NRIP2: variants seen among roughly 807,000 people sequenced by gnomAD.
NRIP2 encodes the protein nuclear receptor interacting protein 2, also known as nuclear receptor-interacting protein 2.
NRIP2 carries 27 observed loss-of-function variants against 34.1 expected under a neutral mutation model. The ratio of observed to expected loss-of-function variants is 0.79; its 90% confidence interval spans 0.58 to 1.09. The LOEUF (loss-of-function observed/expected upper bound fraction) is 1.09. Among genes scored for constraint, NRIP2 ranks in the 50% least tolerant of loss-of-function variants. The probability of loss-of-function intolerance (pLI) is 0.00; values close to 1 mark genes in which losing one functional copy is unlikely to be tolerated. For missense variants in NRIP2, 385 were observed against 352.6 expected (o/e 1.09, Z -0.74); for synonymous variants, 145 against 146.9 (o/e 0.99, Z 0.09).
At position 2,827,482 on chromosome 12, in the gene NRIP2, G is replaced by T. The variant is rs562888796; in HGVS notation, c.753+143C>A. On this transcript the variant is annotated intron_variant, in intron 5 of 5. Coordinates refer to ENST00000337508, the MANE Select transcript of NRIP2 (RefSeq NM_031474.3). This position sits in a 1 kb window ranked among gnomAD's most constrained non-coding sequence, Gnocchi z 4.0. ...AGTTCTCTTGATTTTTCACTTGGTG[G>T]TAAGTAAGGAACCTCTAAGGAAGCA... 7 of 1,536,866 alleles carry T rather than the reference G, an allele frequency of 4.6e-6. No individual in the cohort carries two copies. The Admixed American group carries it at 6.5e-5, about 14-fold the overall frequency.
At position 2,832,591 on chromosome 12, in the gene NRIP2, C is replaced by T. The variant is rs561065482; in HGVS notation, c.343-1731G>A. On this transcript the variant is annotated intron_variant, in intron 1 of 5. Transcript: ENST00000337508. ...GGATACCCTCTCTGAGTTCTTCATG[C>T]TCCTCTCTCCATACACGCCAAGCTG... 3.9e-5 allele frequency among the ~76,000 whole-genome samples: 6 copies of T among 152,058 alleles called. No homozygotes were observed. In the South Asian group the frequency reaches 1.2e-3, roughly 32 times the overall value.
chr12:2,830,571 G>C (rs776508329), intron 2 of NRIP2, 137 bp downstream of exon 2: 17 of 891,928 alleles, frequency 1.9e-5, no homozygotes, highest in Non-Finnish European at 2.9e-5. Flanking sequence ...AGAGGATCCT[G>C]GTTAGGTCCA....
rs1262819451 is a variant in NRIP2, at chr12:2,825,855, C to T, written c.*1352G>A. On this transcript the variant is annotated 3_prime_UTR_variant, in exon 6 of 6. Coordinates refer to ENST00000337508, the MANE Select transcript of NRIP2 (RefSeq NM_031474.3). The stretch of plus-strand genomic sequence containing the variant: ...TTGGCTCACTACAACCCCCATCTCC[C>T]AGGTTCAAGCAACTCCTATGCCTCA... 6.6e-6 allele frequency: 1 copy of T among 152,224 alleles called. No homozygotes were observed. The highest frequency in any genetic ancestry group is 1.5e-5 in the Non-Finnish European group (1 of 68,080). 9.4% of individuals were successfully genotyped at this position (152,224 alleles called of 1,614,324 possible).
chr12:2,833,358 C>G (rs1250900673), intron 1 of NRIP2, among the ~76,000 whole-genome samples: 1 of 152,070 alleles, frequency 6.6e-6, no homozygotes, highest in Non-Finnish European at 1.5e-5. Context: ...GGAATAAGCC[C>G]CTGGCAGTTC....
At position 2,827,736 on chromosome 12, in the gene NRIP2, T is replaced by C. The variant is rs775556142; in HGVS notation, c.701-59A>G. 1 of 1,612,256 alleles carries C rather than the reference T, an allele frequency of 6.2e-7. No individual in the cohort carries two copies. The highest frequency in any genetic ancestry group is 8.5e-7 in the Non-Finnish European group (1 of 1,179,646). On this transcript the variant is annotated intron_variant, in intron 4 of 5. Transcript: ENST00000337508. The surrounding 1 kb of genome is among the most constrained non-coding windows in gnomAD (Gnocchi z 4.0). ...GGGTTCCCAGTGGTCACTGCTGCCC[T>C]CCTCTTAGCCGTTGCTCCTTCTCTG... is the stretch of plus-strand genomic sequence containing the variant.
Position 2,834,725 on chromosome 12 carries a change from G to T in NRIP2, c.259C>A (p.Gln87Lys), listed in dbSNP as rs200257600. Residue 87 changes from glutamine to lysine, a missense_variant, in exon 1 of 6, where the codon CAG becomes AAG. By Grantham distance (53) the Gln-to-Lys change is moderately conservative. Coordinates refer to ENST00000337508, the MANE Select transcript of NRIP2 (RefSeq NM_031474.3). ...TCCTTGTGCAGGAACTGGGTGGCCT[G>T]TTTGAGCCGGCGCTGCTGGCTCAGG... ...AHLSQQRRLK[Q>K]ATQFLHKDSA... 1 of 1,614,108 alleles carries T rather than the reference G, an allele frequency of 6.2e-7. No individual in the cohort carries two copies. The highest frequency in any genetic ancestry group is 1.3e-5 in the African/African-American group (1 of 75,030).
intron 1 of NRIP2, among the ~76,000 whole-genome samples, chr12:2,834,367 A>G (rs540857677): frequency 6.6e-6 from 1 of 152,152 alleles, no homozygotes; most frequent in Non-Finnish European, 1.5e-5. Context: ...CCCCACTTCT[A>G]AACAGCCTAG....
rs770517559 is a variant in NRIP2 at position 2,834,675 on chromosome 12, G to A, written c.309C>T (p.Asp103=). 2.5e-6 allele frequency: 4 copies of A among 1,611,444 alleles called. No homozygotes were observed. The South Asian group carries it at 3.3e-5, about 13-fold the overall frequency. The change falls in exon 1 of 6, where the codon GAC becomes GAT. Residue 103 remains aspartate, a synonymous_variant. Coordinates refer to ENST00000337508, the MANE Select transcript of NRIP2 (RefSeq NM_031474.3). ...HKDSADLLPL[D]SLKRLGTSKD... ...TGGAGGTGCCGAGCCTCTTGAGGCT[G>A]TCCAGCGGGAGCAGGTCGGCCGAGT...
chr12:2,834,781 C>A lies in NRIP2; in HGVS notation c.203G>T (p.Gly68Val). The A allele has an allele frequency of 6.2e-7, 1 of 1,613,784 alleles. No individual in the cohort carries two copies. The highest frequency in any genetic ancestry group is 8.5e-7 in the Non-Finnish European group (1 of 1,179,970). ...TCGGTCTCGAAGCTGTGCCTCCTGC[C>A]CCCTCGTCCTGGCTTCTCCCTCATC... ...RRDEGEARTR[G>V]QEAQLRDRAH... is the part of the protein sequence containing the mutation. The change falls in exon 1 of 6, where the codon GGG (glycine) becomes GTG (valine). Residue 68 changes from glycine (G) to valine (V), a missense_variant. Transcript: ENST00000337508.
At chr12:2,830,070 C>CT (rs1439451052) in intron 2 of NRIP2, 5 of 151,838 alleles carry the variant, frequency 3.3e-5, no homozygotes, top group African/African-American at 1.2e-4. Context: ...GAGCGAGACT[C>CT]TGTCTCAAAA....
rs536099639 is a variant in NRIP2 at position 2,833,806 on chromosome 12, A to C, written c.342+836T>G. 2.1e-4 allele frequency among the ~76,000 whole-genome samples: 32 copies of C among 152,198 alleles called. 1 individual carries two copies. Among genetic ancestry groups the C allele is most frequent in the African/African-American group, 7.7e-4 (32 of 41,510 alleles). On this transcript the variant is annotated intron_variant, in intron 1 of 5. Transcript: ENST00000337508. ...TGCTTTAAATATATTAGCTCTAACAACTCTCCCAACAATCCTATGATTGAT... is the reference window on the plus strand; with the variant it reads ...TGCTTTAAATATATTAGCTCTAACACCTCTCCCAACAATCCTATGATTGAT...
Position 2,827,438 on chromosome 12 carries a change from C to T in NRIP2, c.754-139G>A. 1 of 1,526,004 alleles carries T rather than the reference C, an allele frequency of 6.6e-7. No individual in the cohort carries two copies. Among genetic ancestry groups the T allele is most frequent in the Non-Finnish European group, 8.7e-7 (1 of 1,144,452 alleles). The allele number at this position is 1,526,004 out of a possible 1,614,324, so 94.5% of individuals were successfully genotyped here. ...CCCCCATCCCCATTTCCCTAGACTC[C>T]TGTTGAAGGGGGTGACCCAGTTCTC... On this transcript the variant is annotated intron_variant, in intron 5 of 5. Coordinates refer to ENST00000337508, the MANE Select transcript of NRIP2 (RefSeq NM_031474.3). This position sits in a 1 kb window ranked among gnomAD's most constrained non-coding sequence, Gnocchi z 4.0.
intron 1 of NRIP2, among the ~76,000 whole-genome samples, chr12:2,833,174 T>C (rs989407164): frequency 1.3e-5 from 2 of 151,792 alleles, no homozygotes; most frequent in African/African-American, 4.8e-5. Flanking sequence ...CCCGGGACTT[T>C]CTCATTAGAA....
rs192657647 is a variant in NRIP2 at position 2,826,761 on chromosome 12, G to C, written c.*446C>G. The C allele has an allele frequency of 4.5e-5, 9 of 200,270 alleles. No individual in the cohort carries two copies. Among genetic ancestry groups the C allele is most frequent in the Non-Finnish European group, 7.0e-5 (7 of 99,788 alleles). 12.4% of individuals were successfully genotyped at this position (200,270 alleles called of 1,614,324 possible). A position where few individuals can be genotyped will look rare whatever the true frequency, so the allele number is the denominator to read the frequency against. ...GGGACATAGGTTGGTGAGGCATGGC[G>C]GTCTAGTTGTGGGAGATAATGAGGC... On this transcript the variant is annotated 3_prime_UTR_variant, in exon 6 of 6. Coordinates refer to ENST00000337508, the MANE Select transcript of NRIP2 (RefSeq NM_031474.3).
intron 1 of NRIP2, 67 bp from the exon 2 acceptor site, chr12:2,830,927 C>A (rs1434542622): frequency 4.5e-6 from 7 of 1,553,398 alleles, no homozygotes; most frequent in Non-Finnish European, 6.1e-6. Context: ...GCTCAGTTAC[C>A]CCACTTAGAT....
Position 2,826,936 on chromosome 12 carries a change from G to T in NRIP2, c.*271C>A, listed in dbSNP as rs2097969937. ...TGCTTAGGTTCCTATCTGTGGTCTT[G>T]ATTTGGCTTTGCTTTTCTTGGGAGG... is the stretch of plus-strand genomic sequence containing the variant. On this transcript the variant is annotated 3_prime_UTR_variant, in exon 6 of 6. Transcript: ENST00000337508. 3.2e-6 allele frequency: 4 copies of T among 1,266,940 alleles called. No individual in the cohort carries two copies. Among genetic ancestry groups the T allele is most frequent in the South Asian group, 3.5e-5 (2 of 56,638 alleles). The allele number at this position is 1,266,940 out of a possible 1,614,324, so 78.5% of individuals were successfully genotyped here. A position where few individuals can be genotyped will look rare whatever the true frequency, so the allele number is the denominator to read the frequency against.
chr12:2,830,095 TAA>T (rs1317837320), intron 2 of NRIP2: 1 of 151,684 alleles, frequency 6.6e-6, no homozygotes, highest in African/African-American at 2.4e-5. Context: ...TTTTTTTTTT[TAA>T]AAAAAGGACG....
intron 3 of NRIP2, 117 bp from the exon 4 acceptor site, chr12:2,828,164 G>T: frequency 1.7e-6 from 2 of 1,192,638 alleles, no homozygotes; most frequent in Non-Finnish European, 2.4e-6. Context: ...CTCACGTGGG[G>T]TCTAAATCCT....
At chr12:2,830,578 T>G in intron 2 of NRIP2, 130 bp downstream of exon 2, 6 of 991,184 alleles carry the variant, frequency 6.1e-6, no homozygotes, top group Non-Finnish European at 8.8e-6. Flanking sequence ...CCTGGTTAGG[T>G]CCAGGCTAGG....
Sources: gnomAD v4.1 joint callset for allele counts (sites outside exome capture counted in the v4.1 genomes callset) on GRCh38, gnomAD v4.1.1 for gene constraint, Gnocchi (gnomAD v3.1) non-coding constraint, MANE v1.5 for transcripts, NCBI Gene and HGNC (gene_info 2026-07-23, HGNC 2026-07-21) for gene names.